The following SPON1 variants were observed in gnomAD, a reference collection of about 807,000 sequenced individuals.
The protein encoded by SPON1 is spondin 1.
In SPON1, 52 loss-of-function variants were observed where a neutral mutation model predicts 111.7. The ratio of observed to expected loss-of-function variants is 0.47; its 90% CI spans 0.37 to 0.59. SPON1 has a LOEUF of 0.59. SPON1 is among the 20% of genes least tolerant of loss of function. The pLI, the probability that SPON1 is intolerant of heterozygous loss-of-function variation, is 0.00. For synonymous variants in SPON1, 410 were observed against 395.8 expected (o/e 1.04, Z -0.43); for missense variants, 957 against 1,068.5 (o/e 0.90, Z 1.46).
chr11:14,191,176 T>C (rs1030139730), intron 6 of SPON1, among the ~76,000 whole-genome samples: 31 of 152,114 alleles, frequency 2.0e-4, no homozygotes, highest in Non-Finnish European at 4.4e-5. Flanking sequence ...CATCCTACCC[T>C]CTCTGAGTCC....
intron 3 of SPON1, among the ~76,000 whole-genome samples, chr11:14,042,070 T>C (rs1415423930): frequency 2.0e-5 from 3 of 151,972 alleles, no homozygotes; most frequent in Non-Finnish European, 4.4e-5. Flanking sequence ...AGCCCTGAGC[T>C]CCACTTTATG....
At chr11:13,992,838 G>A (rs1192425698) in intron 2 of SPON1, among the ~76,000 whole-genome samples, 1 of 151,982 alleles carries the variant, frequency 6.6e-6, no homozygotes, top group Non-Finnish European at 1.5e-5. Flanking sequence ...CTTCCTGGGT[G>A]AGGTGACGCT....
At position 14,079,980 on chromosome 11, in the gene SPON1, A is replaced by T. The variant is rs1848948668; in HGVS notation, c.635A>T (p.Tyr212Phe). 8 of 1,613,958 alleles carry T rather than the reference A, an allele frequency of 5.0e-6. No homozygotes were observed. Among genetic ancestry groups the T allele is most frequent in the Non-Finnish European group, 6.8e-6 (8 of 1,179,878 alleles). Residue 212 changes from tyrosine (Y) to phenylalanine (F), a missense_variant, in exon 5 of 16, where the codon TAT (tyrosine) becomes TTT (phenylalanine). Physicochemically the swap from Tyr to Phe is conservative, Grantham distance 22. Around this residue, in one of 5 missense-constraint regions of SPON1, gnomAD observed 122 missense variants for 143.2 expected, o/e 0.85. Transcript: ENST00000576479. ...CGTAKYRLTF[Y>F]GNWSEKTHPK... is the part of the protein sequence containing the mutation. ...ACTGCCAAGTACAGACTCACATTTT[A>T]TGGGAATTGGTCCGAGAAGACACAC...
intron 6 of SPON1, among the ~76,000 whole-genome samples, chr11:14,213,453 T>C (rs1554936906): frequency 6.6e-6 from 1 of 152,098 alleles, no homozygotes; most frequent in Non-Finnish European, 1.5e-5. Context: ...TCCTTAGCGA[T>C]GGATTTGTGT....
Position 14,185,848 on chromosome 11 carries a change from A to G in SPON1, c.825+50280A>G, listed in dbSNP as rs145986572. ...ATATCAGAACTGATCAGAACATTGC[A>G]AAGAGTTATTTAATATGCCCGTCTA... On this transcript the variant is annotated intron_variant, in intron 6 of 15. Coordinates refer to ENST00000576479, the MANE Select transcript of SPON1 (RefSeq NM_006108.4). Among the ~76,000 whole-genome samples, 473 of 152,352 alleles carry G rather than the reference A, an allele frequency of 3.1e-3. 2 individuals carry two copies. The highest frequency in any genetic ancestry group is 0.01 in the African/African-American group (432 of 41,592).
At chr11:14,237,989 C>T (rs1188555586) in intron 6 of SPON1, among the ~76,000 whole-genome samples, 1 of 152,168 alleles carries the variant, frequency 6.6e-6, no homozygotes, top group Non-Finnish European at 1.5e-5. Context: ...TAAACTCTAG[C>T]TCAGCCAGTT....
rs1454786265 is a variant in SPON1, at chr11:14,155,803, A to G, written c.825+20235A>G. 6.5e-5 allele frequency among the ~76,000 whole-genome samples: 8 copies of G among 123,464 alleles called. 2 individuals are homozygous for G. The highest frequency in any genetic ancestry group is 2.3e-4 in the African/African-American group (8 of 35,216). The allele number at this position is 123,464 out of a possible 152,430, so 81.0% of individuals were successfully genotyped here. A position where few individuals can be genotyped will look rare whatever the true frequency, so the allele number is the denominator to read the frequency against. ...ACTGAGAATAATGATTTCCAATTTCATCCATGTCCCTCAAAGGACATGAAC... is the reference window on the plus strand; with the variant it reads ...ACTGAGAATAATGATTTCCAATTTCGTCCATGTCCCTCAAAGGACATGAAC... On this transcript the variant is annotated intron_variant, in intron 6 of 15. Coordinates refer to ENST00000576479, the MANE Select transcript of SPON1 (RefSeq NM_006108.4).
chr11:14,204,925 G>A (rs1554936025), intron 6 of SPON1, among the ~76,000 whole-genome samples: 1 of 151,798 alleles, frequency 6.6e-6, no homozygotes, highest in African/African-American at 2.4e-5. Flanking sequence ...CTGACCTCGT[G>A]ATCCACCTGC....
At chr11:14,150,980 G>A (rs531108016) in intron 6 of SPON1, among the ~76,000 whole-genome samples, 14 of 152,186 alleles carry the variant, frequency 9.2e-5, no homozygotes, top group African/African-American at 2.2e-4. Flanking sequence ...CTCTGTGTCT[G>A]AGGATGGACT....
chr11:14,158,741 T>A (rs782627180), intron 6 of SPON1, among the ~76,000 whole-genome samples: 1 of 152,216 alleles, frequency 6.6e-6, no homozygotes, highest in African/African-American at 2.4e-5. Flanking sequence ...TTTATTCATT[T>A]TTTGTAGTTG....
intron 6 of SPON1, among the ~76,000 whole-genome samples, chr11:14,208,105 A>G (rs74349578): frequency 6.6e-6 from 1 of 152,244 alleles, no homozygotes; most frequent in African/African-American, 2.4e-5. Context: ...ACACAGGAAC[A>G]GAAAACCAAA....
chr11:13,991,952 C>G (rs1848234157), intron 2 of SPON1, among the ~76,000 whole-genome samples: 1 of 152,160 alleles, frequency 6.6e-6, no homozygotes, highest in South Asian at 2.1e-4. Flanking sequence ...AGAGGGGCAC[C>G]TGCCAGATGC....
intron 6 of SPON1, among the ~76,000 whole-genome samples, chr11:14,209,850 T>C (rs1274183892): frequency 2.6e-5 from 4 of 152,256 alleles, no homozygotes; most frequent in African/African-American, 9.6e-5. Flanking sequence ...TGTTCCACAA[T>C]AGTTGAACTA....
At chr11:13,970,107 T>A (rs2133773904) in intron 1 of SPON1, among the ~76,000 whole-genome samples, 1 of 152,336 alleles carries the variant, frequency 6.6e-6, no homozygotes, top group East Asian at 1.9e-4. Flanking sequence ...TCTTGGAGCA[T>A]CTATGGTGTC....
At chr11:14,122,233 G>A (rs1847398965) in intron 5 of SPON1, among the ~76,000 whole-genome samples, 1 of 152,100 alleles carries the variant, frequency 6.6e-6, no homozygotes, top group South Asian at 2.1e-4. Flanking sequence ...GGAGTGCAGT[G>A]CACGATCTCG....
rs1451184751 is a variant in SPON1, at chr11:14,259,017, T to C, written c.1493-263T>C. ...CTTAGATATATGCGTGTACATTTTT[T>C]AAACACCATCCTTTCCATACAAGCA... On this transcript the variant is annotated intron_variant, in intron 11 of 15. Transcript: ENST00000576479. The surrounding 1 kb of genome is among the most constrained non-coding windows in gnomAD (Gnocchi z 5.0). Among the ~76,000 whole-genome samples, 2 of 152,264 alleles carry C rather than the reference T, an allele frequency of 1.3e-5. No homozygotes were observed. Among genetic ancestry groups the C allele is most frequent in the African/African-American group, 4.8e-5 (2 of 41,478 alleles).
chr11:14,159,909 G>GT (rs1387527766), intron 6 of SPON1, among the ~76,000 whole-genome samples: 1 of 138,150 alleles, frequency 7.2e-6, no homozygotes, highest in East Asian at 2.4e-4. Context: ...GGGGTGGGAG[G>GT]TGGGGGGGAT....
In SPON1 at chr11:14,259,281, C is replaced by T. The variant is rs201172887; in HGVS notation, c.1494C>T (p.Asp498=). Residue 498 remains aspartate (D), a splice_region_variant and synonymous_variant, in exon 12 of 16, where the codon GAC becomes GAT. Transcript: ENST00000576479. The surrounding 1 kb of genome is among the most constrained non-coding windows in gnomAD (Gnocchi z 5.0). The stretch of plus-strand genomic sequence containing the variant: ...CAGCGTTCACTCGGTGTGTTGCAGA[C>T]GGCTCCACCTGCACCATGTCCGAGT... ...PCMGPGCSDE[D]GSTCTMSEWI... 1.2e-5 allele frequency: 19 copies of T among 1,609,712 alleles called. No individual in the cohort carries two copies. The highest frequency in any genetic ancestry group is 1.4e-5 in the Non-Finnish European group (16 of 1,178,468).
intron 7 of SPON1, among the ~76,000 whole-genome samples, chr11:14,251,312 C>T (rs532847573): frequency 5.3e-4 from 80 of 152,294 alleles, no homozygotes; most frequent in African/African-American, 1.9e-3. Flanking sequence ...AGGAATTGGC[C>T]GCCCCACGTT....
Sources: allele counts gnomAD v4.1 joint callset (sites outside exome capture counted in the v4.1 genomes callset), GRCh38; gene constraint gnomAD v4.1.1; regional missense constraint gnomAD v4.1.1; non-coding constraint Gnocchi (gnomAD v3.1); transcripts MANE v1.5; gene names NCBI Gene and HGNC (gene_info 2026-07-23, HGNC 2026-07-21).